RRP8: variants seen among roughly 807,000 people sequenced by gnomAD.
RRP8 encodes ribosomal RNA processing 8.
Under a neutral mutation model 45.0 loss-of-function variants are expected in RRP8, and 48 were observed. The observed-to-expected ratio is 1.07, with a 90% CI of 0.85 to 1.36. The LOEUF (loss-of-function observed/expected upper bound fraction) is 1.36. Among genes scored for constraint, RRP8 ranks in the 40% most tolerant of loss-of-function variants. RRP8 has a pLI of 0.00. For missense variants in RRP8, 658 were observed against 573.7 expected (o/e 1.15, Z -1.50); for synonymous variants, 274 against 212.4 (o/e 1.29, Z -2.52).
In RRP8 at chr11:6,601,900, G is replaced by C; in HGVS notation, c.415C>G (p.His139Asp). ...DEKRKRKCQKHAPINSAQHLD... is the reference protein window; with the variant it reads ...DEKRKRKCQKDAPINSAQHLD... ...TGCTGGGCTGAATTTATAGGGGCATGTTTCTGGCATTTCCTCTTTCTTTTC... is the reference window on the plus strand; with the variant it reads ...TGCTGGGCTGAATTTATAGGGGCATCTTTCTGGCATTTCCTCTTTCTTTTC... The change falls in exon 2 of 7, where the codon CAT becomes GAT. Residue 139 changes from histidine to aspartate, a missense_variant. By Grantham distance (81) the His-to-Asp change is moderately conservative. Coordinates refer to ENST00000254605, the MANE Select transcript of RRP8 (RefSeq NM_015324.4). The C allele has an allele frequency of 6.2e-7, 1 of 1,614,148 alleles. No individual in the cohort carries two copies. The highest frequency in any genetic ancestry group is 8.5e-7 in the Non-Finnish European group (1 of 1,180,014).
In RRP8 at chr11:6,596,905, G is replaced by A. The variant is rs752838246; in HGVS notation, c.*3241C>T. ...GGGATGCTGAACAAGCATGAGGCAC[G>A]GATAACCAAACCCAATTTTATTCTT... On this transcript the variant is annotated 3_prime_UTR_variant, in exon 7 of 7. Transcript: ENST00000254605. 2.0e-5 allele frequency: 3 copies of A among 152,122 alleles called. No individual in the cohort carries two copies. The highest frequency in any genetic ancestry group is 6.5e-5 in the Admixed American group (1 of 15,268). 9.4% of individuals were successfully genotyped at this position (152,122 alleles called of 1,614,324 possible). A position where few individuals can be genotyped will look rare whatever the true frequency, so the allele number is the denominator to read the frequency against.
chr11:6,596,501 T>C lies in RRP8; in HGVS notation c.*3645A>G, dbSNP rs977036797. On this transcript the variant is annotated 3_prime_UTR_variant, in exon 7 of 7. Transcript: ENST00000254605. ...AAGCAGAGAAGTGACATAAGCTGATTTACATTTTAAAAAGATCACATGGCT... is the reference window on the plus strand; with the variant it reads ...AAGCAGAGAAGTGACATAAGCTGATCTACATTTTAAAAAGATCACATGGCT... 6.6e-6 allele frequency: 1 copy of C among 152,196 alleles called. No individual in the cohort carries two copies. Among genetic ancestry groups the C allele is most frequent in the Non-Finnish European group, 1.5e-5 (1 of 68,044 alleles). 9.4% of individuals were successfully genotyped at this position (152,196 alleles called of 1,614,324 possible).
At position 6,601,474 on chromosome 11, in the gene RRP8, A is replaced by G. The variant is rs759797658; in HGVS notation, c.592T>C (p.Cys198Arg). 1.9e-6 allele frequency: 3 copies of G among 1,613,762 alleles called. No individual in the cohort carries two copies. Among genetic ancestry groups the G allele is most frequent in the Non-Finnish European group, 2.5e-6 (3 of 1,180,014 alleles). Reference protein sequence around the residue: ...WRNRQKNKRRCKNKFQPPQVP... With the variant: ...WRNRQKNKRRRKNKFQPPQVP... ...TGAGGTGGCTGAAACTTGTTCTTAC[A>G]TCTTCTCTTGTTCTTTTGCCGGTTC... The change falls in exon 3 of 7, where the codon TGT becomes CGT. Residue 198 changes from cysteine (C) to arginine (R), a missense_variant. Physicochemically the swap from Cys to Arg is radical, Grantham distance 180. Transcript: ENST00000254605.
At chr11:6,602,307 G>A in intron 1 of RRP8, 92 bp from the exon 2 acceptor site, 1 of 1,389,186 alleles carries the variant, frequency 7.2e-7, no homozygotes, top group African/African-American at 1.4e-5. Context: ...ATTCAGACTG[G>A]CAGAAGCATC....
Position 6,595,195 on chromosome 11 carries a change from T to A in RRP8, c.*4951A>T, listed in dbSNP as rs1589911796. ...TCAAGCAATCCTCCCACCTCAGCCTTCCTAGTAGCTGGGATCACAGATAAG... is the reference window on the plus strand; with the variant it reads ...TCAAGCAATCCTCCCACCTCAGCCTACCTAGTAGCTGGGATCACAGATAAG... On this transcript the variant is annotated 3_prime_UTR_variant, in exon 7 of 7. Coordinates refer to ENST00000254605, the MANE Select transcript of RRP8 (RefSeq NM_015324.4). 1 of 151,962 alleles carries A rather than the reference T, an allele frequency of 6.6e-6. No homozygotes were observed. The highest frequency in any genetic ancestry group is 1.9e-4 in the East Asian group (1 of 5,192). The allele number at this position is 151,962 out of a possible 1,614,324, so 9.4% of individuals were successfully genotyped here.
Position 6,597,999 on chromosome 11 carries a change from T to C in RRP8, c.*2147A>G, listed in dbSNP as rs966221888. 1.3e-5 allele frequency: 2 copies of C among 152,316 alleles called. No individual in the cohort carries two copies. The highest frequency in any genetic ancestry group is 1.9e-4 in the East Asian group (1 of 5,206). The allele number at this position is 152,316 out of a possible 1,614,324, so 9.4% of individuals were successfully genotyped here. On this transcript the variant is annotated 3_prime_UTR_variant, in exon 7 of 7. Coordinates refer to ENST00000254605, the MANE Select transcript of RRP8 (RefSeq NM_015324.4). Reference sequence around the variant, plus strand: ...TGCTTCATTTTCCTTTACCCATCCATGACATGCTCCTCAGTTCTATTCTGA... The same window carrying C: ...TGCTTCATTTTCCTTTACCCATCCACGACATGCTCCTCAGTTCTATTCTGA...
Position 6,596,266 on chromosome 11 carries a change from G to C in RRP8, c.*3880C>G, listed in dbSNP as rs192693445. The C allele has an allele frequency of 2.0e-5, 3 of 152,372 alleles. No individual in the cohort carries two copies. Among genetic ancestry groups the C allele is most frequent in the Admixed American group, 2.0e-4 (3 of 15,300 alleles). 9.4% of individuals were successfully genotyped at this position (152,372 alleles called of 1,614,324 possible). A position where few individuals can be genotyped will look rare whatever the true frequency, so the allele number is the denominator to read the frequency against. On this transcript the variant is annotated 3_prime_UTR_variant, in exon 7 of 7. Coordinates refer to ENST00000254605, the MANE Select transcript of RRP8 (RefSeq NM_015324.4). ...GCTCACTGGGGAAAGAGTATTCAAGGAAGATGGAGCATGTGCAAAGACTCT... is the reference window on the plus strand; with the variant it reads ...GCTCACTGGGGAAAGAGTATTCAAGCAAGATGGAGCATGTGCAAAGACTCT...
rs1487014004 is a variant in RRP8 at position 6,597,113 on chromosome 11, TA to T, written c.*3032del. ...CAATAATCTGCACCTGTTGCAGTTT[TA>T]AATCCCTTTTTCCTCTCCCAGCTCT... On this transcript the variant is annotated 3_prime_UTR_variant, in exon 7 of 7. Coordinates refer to ENST00000254605, the MANE Select transcript of RRP8 (RefSeq NM_015324.4). The T allele has an allele frequency of 6.6e-6, 1 of 152,234 alleles. No individual in the cohort carries two copies. The highest frequency in any genetic ancestry group is 2.4e-5 in the African/African-American group (1 of 41,450). 9.4% of individuals were successfully genotyped at this position (152,234 alleles called of 1,614,324 possible).
Position 6,600,535 on chromosome 11 carries a change from C to G in RRP8, c.1202G>C (p.Arg401Pro), listed in dbSNP as rs761872259. Residue 401 changes from arginine (R) to proline (P), a missense_variant, in exon 6 of 7, where the codon CGA becomes CCA. By Grantham distance (103) the Arg-to-Pro change is moderately radical. Coordinates refer to ENST00000254605, the MANE Select transcript of RRP8 (RefSeq NM_015324.4). Reference sequence around the variant, plus strand: ...CTTGGTCACAGCCCGCAGAAAGGTTCGAACATCCTCAAAGCGGCTGCTGAC... The same window carrying G: ...CTTGGTCACAGCCCGCAGAAAGGTTGGAACATCCTCAAAGCGGCTGCTGAC... ...AEVSSRFEDVRTFLRAVTKLG... is the reference protein window; with the variant it reads ...AEVSSRFEDVPTFLRAVTKLG... The G allele has an allele frequency of 1.9e-6, 3 of 1,613,914 alleles. No homozygotes were observed. In the African/African-American group the frequency reaches 4.0e-5, roughly 22 times the overall value.
At chr11:6,601,742 A>C (rs998328898) in intron 2 of RRP8, 110 bp downstream of exon 2, 39 of 1,469,642 alleles carry the variant, frequency 2.7e-5, no homozygotes, top group Non-Finnish European at 3.4e-5. Context: ...GCCTGAGTAC[A>C]CCATTAGCCC....
In RRP8 at chr11:6,599,997, G is replaced by C; in HGVS notation, c.*149C>G. 2.0e-6 allele frequency: 1 copy of C among 509,248 alleles called. No individual in the cohort carries two copies. Among genetic ancestry groups the C allele is most frequent in the Non-Finnish European group, 3.4e-6 (1 of 290,132 alleles). 31.5% of individuals were successfully genotyped at this position (509,248 alleles called of 1,614,324 possible). ...TCTTATAACCAAGAAGCCTTCAGTAGAGCAAGTCTGAGCCAGAGGTTTTAT... is the reference window on the plus strand; with the variant it reads ...TCTTATAACCAAGAAGCCTTCAGTACAGCAAGTCTGAGCCAGAGGTTTTAT... On this transcript the variant is annotated 3_prime_UTR_variant, in exon 7 of 7. Coordinates refer to ENST00000254605, the MANE Select transcript of RRP8 (RefSeq NM_015324.4).
At chr11:6,602,738 G>A (rs939928538) in intron 1 of RRP8, among the ~76,000 whole-genome samples, 1 of 152,222 alleles carries the variant, frequency 6.6e-6, no homozygotes, top group Non-Finnish European at 1.5e-5. Flanking sequence ...AAAGCAGGCC[G>A]ATTCCATGTT....
chr11:6,603,438 G>T lies in RRP8; in HGVS notation c.65C>A (p.Ser22Ter). ...PVAAGLGPVI[S>*]RPPPAASSQN... The stretch of plus-strand genomic sequence containing the variant: ...CGAGGAGGCCGCAGGCGGAGGTCGT[G>T]AGATTACGGGCCCAAGGCCCGCGGC... The change falls in exon 1 of 7, where the codon TCA (serine) becomes TAA (stop). Residue 22 changes from serine (S) to a stop codon, truncating the protein, a stop_gained. Transcript: ENST00000254605. LOFTEE classifies it high-confidence loss of function. 1 of 1,605,236 alleles carries T rather than the reference G, an allele frequency of 6.2e-7. No individual in the cohort carries two copies.
chr11:6,600,496 A>G lies in RRP8; in HGVS notation c.1241T>C (p.Ile414Thr), dbSNP rs375596324. The change falls in exon 6 of 7, where the codon ATT (isoleucine) becomes ACT (threonine). Residue 414 changes from isoleucine (I) to threonine (T), a missense_variant. Ile to Thr is a moderately conservative substitution (Grantham distance 89). Transcript: ENST00000254605. ...LRAVTKLGFK[I>T]VSKDLTNSHF... ...TCTTGGGGCCCTCACCTTGGAGACA[A>G]TCTTGAAGCCTAGCTTGGTCACAGC... 3.5e-5 allele frequency: 56 copies of G among 1,613,426 alleles called. No individual in the cohort carries two copies. Among genetic ancestry groups the G allele is most frequent in the Admixed American group, 5.0e-5 (3 of 60,000 alleles).
In RRP8 at chr11:6,601,451, A is replaced by G; in HGVS notation, c.615T>C (p.Pro205=). 6.2e-7 allele frequency: 1 copy of G among 1,614,114 alleles called. No homozygotes were observed. ...KRRCKNKFQP[P]QVPDQAPAEA... ...CAGCTGGGGCCTGGTCTGGCACCTG[A>G]GGTGGCTGAAACTTGTTCTTACATC... is the stretch of plus-strand genomic sequence containing the variant. The change falls in exon 3 of 7, where the codon CCT becomes CCC. Residue 205 remains proline, a synonymous_variant. Transcript: ENST00000254605.
intron 1 of RRP8, 48 bp from the exon 2 acceptor site, chr11:6,602,263 G>A (rs372118920): frequency 7.1e-5 from 107 of 1,502,868 alleles, no homozygotes; most frequent in African/African-American, 4.9e-4. Context: ...AATGGATGAG[G>A]CCTGGAGAAC....
At chr11:6,600,622 A>T (rs1407979176) in intron 5 of RRP8, 40 bp from the exon 6 acceptor site, 5 of 1,608,618 alleles carry the variant, frequency 3.1e-6, no homozygotes, top group African/African-American at 1.3e-5. Context: ...GCACAGACTC[A>T]TGCATGCACA....
chr11:6,601,961 T>C lies in RRP8; in HGVS notation c.354A>G (p.Lys118=). The change falls in exon 2 of 7, where the codon AAA becomes AAG. Residue 118 remains lysine, a synonymous_variant. Coordinates refer to ENST00000254605, the MANE Select transcript of RRP8 (RefSeq NM_015324.4). ...CAGAGTCACTGCCAACAAGAGCCTGTTTGTGGCATTTCTTCTTCCTTTCTA... is the reference window on the plus strand; with the variant it reads ...CAGAGTCACTGCCAACAAGAGCCTGCTTGTGGCATTTCTTCTTCCTTTCTA... The part of the protein sequence containing the change: ...EEVERKKKCH[K]QALVGSDSAE... 2 of 1,614,210 alleles carry C rather than the reference T, an allele frequency of 1.2e-6. No homozygotes were observed. Among genetic ancestry groups the C allele is most frequent in the Non-Finnish European group, 1.7e-6 (2 of 1,180,040 alleles).
At chr11:6,603,144 G>A (rs6578764) in intron 1 of RRP8, among the ~76,000 whole-genome samples, 4,013 of 152,254 alleles carry the variant, frequency 0.026, 171 homozygotes, top group African/African-American at 0.088. Context: ...TTGTGACTCT[G>A]ACAGAACATG....
Sources: gnomAD v4.1 joint callset for allele counts (sites outside exome capture counted in the v4.1 genomes callset) on GRCh38, gnomAD v4.1.1 for gene constraint, MANE v1.5 for transcripts, NCBI Gene and HGNC (gene_info 2026-07-23, HGNC 2026-07-21) for gene names.